Variants in MCTP1 observed in about 807,000 individuals in gnomAD.
The protein encoded by MCTP1 is multiple C2 and transmembrane domain containing 1, also known as multiple C2 and transmembrane domain-containing protein 1.
In MCTP1, 69 loss-of-function variants were observed where a neutral mutation model predicts 120.6. That is an observed-to-expected ratio of 0.57 (90% CI 0.47 to 0.70). The LOEUF (loss-of-function observed/expected upper bound fraction) is 0.70, where lower values mean the gene tolerates loss of function less well. MCTP1 is among the 30% of genes least tolerant of loss of function. The pLI is 0.00. For synonymous variants in MCTP1, 529 were observed against 493.1 expected, an observed-to-expected ratio of 1.07 and a Z score of -0.96; for missense variants, 1,203 against 1,248.8, an observed-to-expected ratio of 0.96 and a Z score of 0.55.
At chr5:95,093,182 GT>G (rs1405194703) in intron 1 of MCTP1, among the ~76,000 whole-genome samples, 1 of 152,200 alleles carries the variant, frequency 6.6e-6, no homozygotes, top group African/African-American at 2.4e-5. Flanking sequence ...AAAGGTCGTT[GT>G]TTGGTTATTG....
intron 19 of MCTP1, among the ~76,000 whole-genome samples, chr5:94,743,407 G>A (rs1218059586): frequency 6.6e-6 from 1 of 151,562 alleles, no homozygotes; most frequent in African/African-American, 2.4e-5. Context: ...AATAAAAAAG[G>A]AAGCTTGCAG....
chr5:95,175,708 G>A (rs1445322134), intron 1 of MCTP1, among the ~76,000 whole-genome samples: 1 of 152,160 alleles, frequency 6.6e-6, no homozygotes, highest in Non-Finnish European at 1.5e-5. Context: ...AGTGTAAGGA[G>A]AAATGCCTTT....
chr5:95,064,387 T>C (rs926669748), intron 1 of MCTP1, among the ~76,000 whole-genome samples: 1 of 152,254 alleles, frequency 6.6e-6, no homozygotes, highest in Admixed American at 6.5e-5. Flanking sequence ...GTGTGACAGC[T>C]GGACTTCTTG....
Position 94,707,393 on chromosome 5 carries a change from C to T in MCTP1, c.*103G>A. 2.3e-6 allele frequency: 2 copies of T among 882,394 alleles called. No homozygotes were observed. The highest frequency in any genetic ancestry group is 3.6e-6 in the Non-Finnish European group (2 of 556,022). The allele number at this position is 882,394 out of a possible 1,614,324, so 54.7% of individuals were successfully genotyped here. A position where few individuals can be genotyped will look rare whatever the true frequency, so the allele number is the denominator to read the frequency against. On this transcript the variant is annotated 3_prime_UTR_variant, in exon 23 of 23. Transcript: ENST00000515393. The stretch of plus-strand genomic sequence containing the variant: ...GATTCTCTCGATCATGATAAAAAGG[C>T]AAAATAAATAAAAAGCAGAAAGAAA...
At chr5:95,229,677 G>T (rs867320035) in intron 1 of MCTP1, among the ~76,000 whole-genome samples, 1 of 151,728 alleles carries the variant, frequency 6.6e-6, no homozygotes, top group Middle Eastern at 3.4e-3. Flanking sequence ...GGAGGCGGAG[G>T]TTGCAGTGAG....
chr5:94,836,423 A>G (rs1789806239), intron 17 of MCTP1, among the ~76,000 whole-genome samples: 2 of 152,200 alleles, frequency 1.3e-5, no homozygotes, highest in Admixed American at 6.5e-5. Context: ...GACAGAATGA[A>G]TAGTAAAGAC....
intron 1 of MCTP1, among the ~76,000 whole-genome samples, chr5:95,204,824 C>T (rs549882750): frequency 6.6e-6 from 1 of 152,062 alleles, no homozygotes; most frequent in East Asian, 1.9e-4. Context: ...AAAATTTATA[C>T]TCTGAAAACT....
At chr5:95,134,368 T>C (rs1277928697) in intron 1 of MCTP1, among the ~76,000 whole-genome samples, 2 of 152,340 alleles carry the variant, frequency 1.3e-5, no homozygotes, top group Admixed American at 6.5e-5. Context: ...AAGAATGGCA[T>C]ACAATGTATC....
chr5:94,742,528 C>G (rs969331806), intron 19 of MCTP1, among the ~76,000 whole-genome samples: 1 of 152,296 alleles, frequency 6.6e-6, no homozygotes, highest in African/African-American at 2.4e-5. Flanking sequence ...ACAAGTGCTC[C>G]CTGGGTCTTA....
chr5:95,226,524 T>C (rs975272171), intron 1 of MCTP1, among the ~76,000 whole-genome samples: 2 of 152,152 alleles, frequency 1.3e-5, no homozygotes, highest in African/African-American at 4.8e-5. Context: ...CCACTGCCAA[T>C]GCTTTCTGTA....
chr5:94,870,039 A>G (rs1469254810), intron 16 of MCTP1, among the ~76,000 whole-genome samples: 2 of 152,076 alleles, frequency 1.3e-5, no homozygotes, highest in Non-Finnish European at 2.9e-5. Context: ...TGGTCTGGAC[A>G]TATATTTGTA....
At chr5:95,006,955 A>G (rs1834884936) in intron 2 of MCTP1, among the ~76,000 whole-genome samples, 1 of 152,208 alleles carries the variant, frequency 6.6e-6, no homozygotes, top group African/African-American at 2.4e-5. Flanking sequence ...TGGCTGTATT[A>G]GTCTGTTCTC....
At chr5:95,188,675 G>T (rs892277349) in intron 1 of MCTP1, among the ~76,000 whole-genome samples, 1 of 152,072 alleles carries the variant, frequency 6.6e-6, no homozygotes, top group Non-Finnish European at 1.5e-5. Flanking sequence ...TCATTTCCAG[G>T]GGTTGGGGAT....
chr5:94,909,314 C>T lies in MCTP1; in HGVS notation c.1589G>A (p.Gly530Glu). 1 of 1,608,936 alleles carries T rather than the reference C, an allele frequency of 6.2e-7. No individual in the cohort carries two copies. The highest frequency in any genetic ancestry group is 8.5e-7 in the Non-Finnish European group (1 of 1,177,910). ...QFDFHLYEER[G>E]GVIDITAWDK... is the part of the protein sequence containing the mutation. ...CCATGCAGTGATATCAATGACTCCTCCTCTTTCTTCATAAAGGTGAAAATC... is the reference window on the plus strand; with the variant it reads ...CCATGCAGTGATATCAATGACTCCTTCTCTTTCTTCATAAAGGTGAAAATC... The change falls in exon 10 of 23, where the codon GGA becomes GAA. Residue 530 changes from glycine to glutamate, a missense_variant. Gly to Glu is a moderately conservative substitution (Grantham distance 98, BLOSUM62 -2). Around this residue, in one of 2 missense-constraint regions of MCTP1, gnomAD observed 740 missense variants for 871.1 expected, o/e 0.85. Coordinates refer to ENST00000515393, the MANE Select transcript of MCTP1 (RefSeq NM_024717.7).
chr5:95,241,722 A>G (rs1756182427), intron 1 of MCTP1, among the ~76,000 whole-genome samples: 1 of 152,202 alleles, frequency 6.6e-6, no homozygotes, highest in African/African-American at 2.4e-5. Context: ...AATCCTTCAA[A>G]TTTTAGTAGC....
chr5:95,140,900 A>AT (rs1759878244), intron 1 of MCTP1, among the ~76,000 whole-genome samples: 1 of 149,890 alleles, frequency 6.7e-6, no homozygotes, highest in African/African-American at 2.4e-5. Context: ...AAAAAAAAAA[A>AT]AAAAGTGCCA....
intron 1 of MCTP1, among the ~76,000 whole-genome samples, chr5:95,269,309 G>A (rs1562291596): frequency 6.6e-6 from 1 of 152,138 alleles, no homozygotes; most frequent in Non-Finnish European, 1.5e-5. Flanking sequence ...ACAACTAGAT[G>A]TTCAGAAAAG....
intron 8 of MCTP1, among the ~76,000 whole-genome samples, chr5:94,915,925 A>G (rs1221631509): frequency 3.9e-5 from 6 of 152,066 alleles, no homozygotes; most frequent in Non-Finnish European, 5.9e-5. Flanking sequence ...CAACTTGGGG[A>G]GCTAAGTGGG....
At chr5:95,220,267 TTAAAAA>T (rs1371557250) in intron 1 of MCTP1, among the ~76,000 whole-genome samples, 1 of 151,974 alleles carries the variant, frequency 6.6e-6, no homozygotes, top group Non-Finnish European at 1.5e-5. Flanking sequence ...AGTACAATAT[TTAAAAA>T]TAAAATAACA....
Sources: gnomAD v4.1 joint callset for allele counts (sites outside exome capture counted in the v4.1 genomes callset) on GRCh38, gnomAD v4.1.1 for gene constraint, gnomAD v4.1.1 regional missense constraint, MANE v1.5 for transcripts, NCBI Gene and HGNC (gene_info 2026-07-23, HGNC 2026-07-21) for gene names.